ERICH1: variants seen among roughly 807,000 people sequenced by gnomAD.
ERICH1 encodes glutamate-rich protein 1.
A neutral mutation model predicts 39.6 loss-of-function variants in ERICH1; 56 were observed. The observed-to-expected ratio is 1.41, with a 90% confidence interval of 1.14 to 1.77. ERICH1 has a LOEUF of 1.77. ERICH1 is among the 40% of genes most tolerant of loss of function. The pLI, the probability that ERICH1 is intolerant of heterozygous loss-of-function variation, is 0.00. For missense variants in ERICH1, 826 were observed against 575.4 expected (o/e 1.44, Z -4.45); for synonymous variants, 313 against 223.6 (o/e 1.40, Z -3.57).
intron 2 of ERICH1, among the ~76,000 whole-genome samples, chr8:698,901 T>C (rs1811013384): frequency 6.3e-5 from 1 of 15,942 alleles, no homozygotes; most frequent in Admixed American, 7.4e-4. Context: ...CTCTGTGAGT[T>C]TTTTTTTTTT....
intron 3 of ERICH1, among the ~76,000 whole-genome samples, chr8:648,502 C>CAAAAAA (rs531723403): frequency 4.4e-4 from 6 of 13,732 alleles, no homozygotes; most frequent in African/African-American, 4.3e-4. Flanking sequence ...AAAGAAAAAG[C>CAAAAAA]AAAAAAAAAA....
chr8:685,969 A>ACCCCGTCTCGG (rs1209204840), intron 3 of ERICH1, among the ~76,000 whole-genome samples: 4 of 135,980 alleles, frequency 2.9e-5, no homozygotes, highest in East Asian at 4.1e-4. Flanking sequence ...ACATGGTGAA[A>ACCCCGTCTCGG]CCCCGTCTCT....
At chr8:719,955 A>G (rs959116093) in intron 1 of ERICH1, among the ~76,000 whole-genome samples, 2 of 152,108 alleles carry the variant, frequency 1.3e-5, no homozygotes, top group African/African-American at 4.8e-5. Context: ...TGAGCACACA[A>G]GGCCCTACAA....
At chr8:729,778 A>G (rs1411603304) in intron 1 of ERICH1, among the ~76,000 whole-genome samples, 1 of 152,004 alleles carries the variant, frequency 6.6e-6, no homozygotes, top group African/African-American at 2.4e-5. Context: ...AACAATTAAC[A>G]GCTTTCATTC....
intron 2 of ERICH1, among the ~76,000 whole-genome samples, chr8:695,069 T>C (rs1328164894): frequency 6.6e-6 from 1 of 151,984 alleles, no homozygotes; most frequent in Non-Finnish European, 1.5e-5. Context: ...TTGGCTGCCC[T>C]GTGGGTTTCA....
At chr8:684,619 T>C (rs928046893) in intron 3 of ERICH1, among the ~76,000 whole-genome samples, 2 of 152,182 alleles carry the variant, frequency 1.3e-5, no homozygotes, top group Non-Finnish European at 1.5e-5. Context: ...AAGACATCTG[T>C]TTACCTCCTG....
intron 4 of ERICH1, chr8:672,175 C>T (rs1012563111): frequency 3.3e-5 from 5 of 152,440 alleles, no homozygotes; most frequent in Non-Finnish European, 5.9e-5. Context: ...TTTCTGGTTA[C>T]TCCTGGCATG....
At chr8:708,711 T>TTTTTTTTTTTTTG (rs1585554466) in intron 2 of ERICH1, among the ~76,000 whole-genome samples, 1 of 135,344 alleles carries the variant, frequency 7.4e-6, no homozygotes, top group African/African-American at 2.8e-5. Context: ...TTTTTTTTTT[T>TTTTTTTTTTTTTG]GAGACAGGGT....
chr8:635,837 A>C (rs937352486), intron 3 of ERICH1, among the ~76,000 whole-genome samples: 2 of 152,218 alleles, frequency 1.3e-5, no homozygotes, highest in African/African-American at 4.8e-5. Flanking sequence ...TTGGCTCACC[A>C]AAGTTTGTGT....
intron 3 of ERICH1, among the ~76,000 whole-genome samples, chr8:685,639 T>C (rs970310170): frequency 3.3e-5 from 5 of 152,226 alleles, no homozygotes; most frequent in Admixed American, 6.5e-5. Context: ...CAAATGTCCA[T>C]GAAATCTTCA....
chr8:703,886 G>C (rs1051980540), intron 2 of ERICH1, among the ~76,000 whole-genome samples: 1 of 152,218 alleles, frequency 6.6e-6, no homozygotes, highest in African/African-American at 2.4e-5. Flanking sequence ...GGAAACAAGA[G>C]AGTGGCACAT....
At chr8:640,176 T>G (rs573388780) in intron 3 of ERICH1, among the ~76,000 whole-genome samples, 11 of 152,290 alleles carry the variant, frequency 7.2e-5, no homozygotes, top group African/African-American at 2.6e-4. Context: ...CTGAGTGGAA[T>G]GCCGCCTAAT....
chr8:672,088 C>G (rs1387282644), intron 4 of ERICH1: 1 of 152,854 alleles, frequency 6.5e-6, no homozygotes, highest in Non-Finnish European at 1.5e-5. Context: ...CGTGAGGGTT[C>G]CAGGAGTTCC....
intron 3 of ERICH1, among the ~76,000 whole-genome samples, chr8:635,743 G>C (rs1027486881): frequency 8.5e-5 from 13 of 152,234 alleles, no homozygotes; most frequent in Admixed American, 7.2e-4. Flanking sequence ...TCACCATCGA[G>C]TGGGGCCGAC....
chr8:729,928 A>C (rs141533800), intron 1 of ERICH1, among the ~76,000 whole-genome samples: 3 of 152,296 alleles, frequency 2.0e-5, no homozygotes, highest in Admixed American at 6.5e-5. Context: ...ATGTAAGAGA[A>C]GAGTGTGTTG....
intron 3 of ERICH1, among the ~76,000 whole-genome samples, chr8:637,236 C>G (rs1318879845): frequency 6.6e-6 from 1 of 152,234 alleles, no homozygotes; most frequent in African/African-American, 2.4e-5. Context: ...CGGTGGGGTT[C>G]TGCAACCAAC....
intron 1 of ERICH1, among the ~76,000 whole-genome samples, chr8:730,530 A>G (rs751742770): frequency 4.6e-5 from 7 of 152,226 alleles, no homozygotes; most frequent in Non-Finnish European, 1.0e-4. Context: ...AGGAAGCAGG[A>G]GCACGCTTTA....
At chr8:692,376 C>T in intron 3 of ERICH1, 102 bp downstream of exon 3, 1 of 1,522,640 alleles carries the variant, frequency 6.6e-7, no homozygotes, top group Non-Finnish European at 8.9e-7. Context: ...CTCACCCACC[C>T]CCCAAGTATG....
chr8:635,213 T>G (rs1261162699), intron 3 of ERICH1, among the ~76,000 whole-genome samples: 1 of 152,006 alleles, frequency 6.6e-6, no homozygotes, highest in African/African-American at 2.4e-5. Context: ...CCCCTCAGCC[T>G]CAGGAAAGAG....
Sources: allele counts gnomAD v4.1 joint callset (sites outside exome capture counted in the v4.1 genomes callset), GRCh38; gene constraint gnomAD v4.1.1; transcripts MANE v1.5; gene names NCBI Gene and HGNC (gene_info 2026-07-23, HGNC 2026-07-21).